The following M1AP variants were observed in gnomAD, a reference collection of about 807,000 sequenced individuals.
M1AP encodes the protein meiosis 1 arrest protein.
Under a neutral mutation model 51.2 loss-of-function variants are expected in M1AP, and 39 were observed. The ratio of observed to expected loss-of-function variants is 0.76; its 90% CI spans 0.59 to 1.00. The LOEUF is 1.00. Ranked by LOEUF, M1AP falls within the 50% of genes least tolerant of loss-of-function variation. The pLI, the probability that M1AP is intolerant of heterozygous loss-of-function variation, is 0.00. For synonymous variants in M1AP, 251 were observed against 249.2 expected (o/e 1.01, Z -0.07); for missense variants, 545 against 641.2 (o/e 0.85, Z 1.62).
rs532265038 is a variant in M1AP at position 74,635,385 on chromosome 2, C to T, written c.240+4651G>A. Among the ~76,000 whole-genome samples, 173 of 152,184 alleles carry T rather than the reference C, an allele frequency of 1.1e-3. No homozygotes were observed. The South Asian group carries it at 0.034, about 30-fold the overall frequency. ...TATTTTCTTTTTCTATTTTCCTTGT[C>T]ATTCTTGCCAGAGGTTTGTTAATTT... On this transcript the variant is annotated intron_variant, in intron 2 of 10. Coordinates refer to ENST00000421985, the MANE Select transcript of M1AP (RefSeq NM_001321739.2).
intron 7 of M1AP, among the ~76,000 whole-genome samples, chr2:74,574,959 C>T (rs1160309553): frequency 6.6e-6 from 1 of 152,152 alleles, no homozygotes; most frequent in East Asian, 1.9e-4. Context: ...TTATAAACTT[C>T]TCATAATTAA....
chr2:74,627,004 A>G (rs1558691353), intron 2 of M1AP, among the ~76,000 whole-genome samples: 2 of 152,202 alleles, frequency 1.3e-5, no homozygotes, highest in East Asian at 3.8e-4. Flanking sequence ...TGGAAATTTT[A>G]TAATTTTTGG....
chr2:74,564,211 GAGTT>G (rs1471263650), intron 7 of M1AP, among the ~76,000 whole-genome samples: 48 of 152,336 alleles, frequency 3.2e-4, no homozygotes, highest in African/African-American at 1.1e-3. Context: ...TGTAGCATGA[GAGTT>G]AGACCCCACG....
intron 2 of M1AP, among the ~76,000 whole-genome samples, chr2:74,619,738 T>A (rs1174474291): frequency 6.6e-6 from 1 of 152,128 alleles, no homozygotes; most frequent in Non-Finnish European, 1.5e-5. Context: ...TGAAGCAAAA[T>A]CTCAACTTAA....
intron 4 of M1AP, among the ~76,000 whole-genome samples, chr2:74,598,415 A>AT (rs1680470012): frequency 1.3e-5 from 2 of 151,828 alleles, no homozygotes; most frequent in African/African-American, 4.8e-5. Context: ...AAATAAATAA[A>AT]AGTAGTTTTG....
At chr2:74,576,023 A>C (rs766617934) in intron 6 of M1AP, among the ~76,000 whole-genome samples, 1 of 152,062 alleles carries the variant, frequency 6.6e-6, no homozygotes, top group Non-Finnish European at 1.5e-5. Context: ...CTAGTCTGCT[A>C]ATTCTATCCT....
chr2:74,589,242 GC>G (rs960472154), intron 4 of M1AP, among the ~76,000 whole-genome samples: 3 of 152,214 alleles, frequency 2.0e-5, no homozygotes, highest in Non-Finnish European at 4.4e-5. Flanking sequence ...ATGGGAATGA[GC>G]TTTTTGTGTT....
chr2:74,604,283 C>T lies in M1AP; in HGVS notation c.595+2772G>A, dbSNP rs144218378. On this transcript the variant is annotated intron_variant, in intron 4 of 10. Transcript: ENST00000421985. ...GTCTCTGGGTCTCCTTTTTGAGTGG[C>T]CCTTTTCCTTTTCCTCTGCTTAGCT... Among the ~76,000 whole-genome samples the T allele has an allele frequency of 6.6e-5, 10 of 152,260 alleles. No individual in the cohort carries two copies. The East Asian group carries it at 1.5e-3, about 24-fold the overall frequency.
At chr2:74,595,313 C>A (rs567189229) in intron 4 of M1AP, among the ~76,000 whole-genome samples, 2 of 152,140 alleles carry the variant, frequency 1.3e-5, no homozygotes, top group South Asian at 4.2e-4. Context: ...CCATGGCTGG[C>A]CCTCTTAAGT....
chr2:74,612,150 C>T lies in M1AP; in HGVS notation c.426+2814G>A, dbSNP rs376229118. ...TCGTGATCTACCCGCCTGGGCCTCC[C>T]AAAGTGCTGGGATTACAGGTGTGAG... On this transcript the variant is annotated intron_variant, in intron 3 of 10. Transcript: ENST00000421985. Among the ~76,000 whole-genome samples the T allele has an allele frequency of 4.0e-4, 61 of 152,018 alleles. 1 individual carries two copies. The highest frequency in any genetic ancestry group is 1.4e-3 in the African/African-American group (60 of 41,472).
chr2:74,628,793 G>C (rs951772037), intron 2 of M1AP: 1 of 501,798 alleles, frequency 2.0e-6, no homozygotes, highest in Non-Finnish European at 4.0e-6. Context: ...AGAGAAGATA[G>C]ACAATGATTG....
intron 7 of M1AP, among the ~76,000 whole-genome samples, chr2:74,563,823 A>C (rs1678199462): frequency 6.6e-6 from 1 of 152,102 alleles, no homozygotes; most frequent in Non-Finnish European, 1.5e-5. Flanking sequence ...AAGAAGAGAC[A>C]ACCAGACTTC....
At chr2:74,619,264 G>T in intron 2 of M1AP, 2 of 201,976 alleles carry the variant, frequency 9.9e-6, no homozygotes, top group Admixed American at 5.5e-5. Flanking sequence ...TTTTTGTAGT[G>T]GTCTAGAAAC....
intron 7 of M1AP, among the ~76,000 whole-genome samples, chr2:74,565,039 G>T (rs1344830910): frequency 2.0e-5 from 3 of 152,110 alleles, no homozygotes; most frequent in African/African-American, 7.2e-5. Context: ...TGGCCAACAT[G>T]GTGAAACCCG....
At chr2:74,591,761 C>T (rs755161290) in intron 4 of M1AP, among the ~76,000 whole-genome samples, 38 of 152,078 alleles carry the variant, frequency 2.5e-4, no homozygotes, top group Non-Finnish European at 5.0e-4. Flanking sequence ...AAAGAAGACG[C>T]TCAAATCAAA....
intron 2 of M1AP, among the ~76,000 whole-genome samples, chr2:74,635,280 T>C (rs966805942): frequency 1.3e-5 from 2 of 152,126 alleles, no homozygotes; most frequent in African/African-American, 4.8e-5. Context: ...AAGGTATCTG[T>C]AGTATTCTCT....
intron 4 of M1AP, among the ~76,000 whole-genome samples, chr2:74,596,304 G>A (rs966078449): frequency 4.6e-5 from 7 of 152,128 alleles, no homozygotes; most frequent in South Asian, 2.1e-4. Context: ...GTAAGATGGC[G>A]GGGCGCGGTG....
chr2:74,572,165 C>T (rs1413875772), intron 7 of M1AP, among the ~76,000 whole-genome samples: 3 of 152,094 alleles, frequency 2.0e-5, no homozygotes, highest in Admixed American at 6.6e-5. Flanking sequence ...AGTTCAACTC[C>T]GCTGAAGTAC....
At chr2:74,632,286 T>C (rs891639272) in intron 2 of M1AP, among the ~76,000 whole-genome samples, 1 of 152,202 alleles carries the variant, frequency 6.6e-6, no homozygotes, top group African/African-American at 2.4e-5. Flanking sequence ...GCAGTCTCTG[T>C]AGGGAGTTGC....
Sources: allele counts gnomAD v4.1 joint callset (sites outside exome capture counted in the v4.1 genomes callset), GRCh38; gene constraint gnomAD v4.1.1; transcripts MANE v1.5; gene names NCBI Gene and HGNC (gene_info 2026-07-23, HGNC 2026-07-21).